PEAK1: variants seen among roughly 807,000 people sequenced by gnomAD.
PEAK1 encodes pseudopodium enriched atypical kinase 1.
PEAK1 carries 54 observed loss-of-function variants against 124.7 expected under a neutral mutation model. That is an observed-to-expected ratio of 0.43 (90% CI 0.35 to 0.54). The LOEUF is 0.54. Among genes scored for constraint, PEAK1 ranks in the 20% least tolerant of loss-of-function variants. The pLI is 0.01. For missense variants in PEAK1, 2,046 were observed against 2,134.5 expected, an observed-to-expected ratio of 0.96 and a Z score of 0.82; for synonymous variants, 719 against 760.0, an observed-to-expected ratio of 0.95 and a Z score of 0.89.
intron 1 of PEAK1, among the ~76,000 whole-genome samples, chr15:77,400,753 C>T (rs1224875980): frequency 6.6e-6 from 1 of 152,022 alleles, no homozygotes; most frequent in Admixed American, 6.5e-5. Flanking sequence ...AATAAAACTA[C>T]ATATATACAC....
chr15:77,352,566 AT>A (rs1013213085), intron 2 of PEAK1: 35 of 946,058 alleles, frequency 3.7e-5, no homozygotes, highest in South Asian at 1.5e-4. Flanking sequence ...GAAATATGTC[AT>A]TTTTTAATAT....
In PEAK1 at chr15:77,417,382, T is replaced by C. The variant is rs967004807; in HGVS notation, c.-666+2624A>G. 9 of 977,752 alleles carry C rather than the reference T, an allele frequency of 9.2e-6. No homozygotes were observed. The African/African-American group carries it at 1.6e-4, about 18-fold the overall frequency. 60.6% of individuals were successfully genotyped at this position (977,752 alleles called of 1,614,324 possible). A position where few individuals can be genotyped will look rare whatever the true frequency, so the allele number is the denominator to read the frequency against. ...CTTCACTAAGGAAAACAAACCAGCC[T>C]TGAGGGAACCTAGAAAGTACCAGGA... On this transcript the variant is annotated intron_variant, in intron 1 of 9. Transcript: ENST00000682557.
At chr15:77,341,601 G>T (rs1374606698) in intron 2 of PEAK1, among the ~76,000 whole-genome samples, 9 of 152,082 alleles carry the variant, frequency 5.9e-5, no homozygotes, top group African/African-American at 1.9e-4. Context: ...CACACGACTG[G>T]ACTCAAACCC....
chr15:77,382,599 T>C (rs2141832760), intron 1 of PEAK1, among the ~76,000 whole-genome samples: 1 of 152,322 alleles, frequency 6.6e-6, no homozygotes, highest in East Asian at 1.9e-4. Flanking sequence ...GAGGGTACTG[T>C]CAATTCCAAA....
intron 5 of PEAK1, among the ~76,000 whole-genome samples, chr15:77,262,950 C>T (rs2061519718): frequency 6.6e-6 from 1 of 152,194 alleles, no homozygotes; most frequent in Non-Finnish European, 1.5e-5. Context: ...TTAAGAAACT[C>T]ACTCAAAACC....
At chr15:77,312,998 G>A (rs530981625) in intron 2 of PEAK1, among the ~76,000 whole-genome samples, 2 of 152,280 alleles carry the variant, frequency 1.3e-5, no homozygotes, top group South Asian at 4.1e-4. Flanking sequence ...AAAACCAGAA[G>A]TAGGAATAGA....
At chr15:77,164,149 T>A (rs927982006) in intron 7 of PEAK1, among the ~76,000 whole-genome samples, 12 of 152,236 alleles carry the variant, frequency 7.9e-5, no homozygotes, top group Non-Finnish European at 1.6e-4. Context: ...TAATCTTTAG[T>A]TTCCAGGTCA....
chr15:77,158,565 C>G lies in PEAK1; in HGVS notation c.3269G>C (p.Gly1090Ala). ...CATAGGATCTGAAATGTCTTCTTTT[C>G]CATCTTCCCTTTCCAGTTCAGGTAG... ...LSLPELERED[G>A]KEDISDPMDP... The change falls in exon 8 of 10, where the codon GGA becomes GCA. Residue 1090 changes from glycine to alanine, a missense_variant. Transcript: ENST00000682557. 6.2e-7 allele frequency: 1 copy of G among 1,614,162 alleles called. No homozygotes were observed. The highest frequency in any genetic ancestry group is 8.5e-7 in the Non-Finnish European group (1 of 1,180,018).
intron 2 of PEAK1, chr15:77,335,969 T>C: frequency 1.0e-6 from 1 of 985,402 alleles, no homozygotes; most frequent in Non-Finnish European, 1.2e-6. Context: ...AGGTTAGGTA[T>C]AATGATGGAC....
chr15:77,208,622 G>C (rs2058768977), intron 6 of PEAK1, among the ~76,000 whole-genome samples: 2 of 152,100 alleles, frequency 1.3e-5, no homozygotes, highest in South Asian at 4.1e-4. Context: ...AGGCAATGTT[G>C]TATAGGGAAA....
At chr15:77,419,614 C>T in intron 1 of PEAK1, 1 of 985,180 alleles carries the variant, frequency 1.0e-6, no homozygotes, top group Non-Finnish European at 1.2e-6. Flanking sequence ...CCCGGCCTCC[C>T]CGCGTCCAGC....
At chr15:77,337,465 T>C (rs966875162) in intron 2 of PEAK1, 2 of 981,362 alleles carry the variant, frequency 2.0e-6, no homozygotes, top group African/African-American at 1.7e-5. Context: ...GTCTGTAACA[T>C]CATCCAGAGA....
intron 2 of PEAK1, chr15:77,348,774 ATCT>A: frequency 4.7e-6 from 4 of 852,368 alleles, no homozygotes; most frequent in Non-Finnish European, 5.4e-6. Flanking sequence ...GATGATGAAT[ATCT>A]TTTTTTCTTT....
rs569241621 is a variant in PEAK1, at chr15:77,382,565, T to G, written c.-665-17340A>C. Among the ~76,000 whole-genome samples, 9 of 152,292 alleles carry G rather than the reference T, an allele frequency of 5.9e-5. No individual in the cohort carries two copies. The East Asian group carries it at 1.7e-3, about 29-fold the overall frequency. ...AATCTGCATTAGGCTCCCTCCTTCA[T>G]GCACACCTCTATCAAACTTCTTAGA... On this transcript the variant is annotated intron_variant, in intron 1 of 9. Coordinates refer to ENST00000682557, the MANE Select transcript of PEAK1 (RefSeq NM_001385026.1).
At chr15:77,313,726 G>GTATATA (rs1555478191) in intron 2 of PEAK1, among the ~76,000 whole-genome samples, 1,524 of 108,582 alleles carry the variant, frequency 0.014, 37 homozygotes, top group African/African-American at 0.046. Flanking sequence ...GTGTGTGTGT[G>GTATATA]TATATATATA....
At chr15:77,223,817 A>G (rs2152883515) in intron 6 of PEAK1, among the ~76,000 whole-genome samples, 1 of 152,102 alleles carries the variant, frequency 6.6e-6, no homozygotes, top group East Asian at 1.9e-4. Context: ...ATAGTTAAAA[A>G]CAATTTCTGG....
chr15:77,176,773 G>C (rs948315230), intron 7 of PEAK1, among the ~76,000 whole-genome samples: 16 of 152,136 alleles, frequency 1.1e-4, no homozygotes, highest in African/African-American at 3.9e-4. Flanking sequence ...CCAAAGGAGA[G>C]AGTCTCTTTC....
At chr15:77,289,362 T>C (rs2063095927) in intron 2 of PEAK1, among the ~76,000 whole-genome samples, 1 of 152,202 alleles carries the variant, frequency 6.6e-6, no homozygotes, top group African/African-American at 2.4e-5. Flanking sequence ...AGACTCTATT[T>C]CAATTAGGTC....
chr15:77,190,804 G>T (rs1174657386), intron 6 of PEAK1, among the ~76,000 whole-genome samples: 1 of 152,160 alleles, frequency 6.6e-6, no homozygotes, highest in Admixed American at 6.5e-5. Context: ...ACAGCCAATG[G>T]TAATGAAAAC....
Sources: gnomAD v4.1 joint callset for allele counts (sites outside exome capture counted in the v4.1 genomes callset) on GRCh38, gnomAD v4.1.1 for gene constraint, MANE v1.5 for transcripts, NCBI Gene and HGNC (gene_info 2026-07-23, HGNC 2026-07-21) for gene names.